Variants in GRID2 observed in about 807,000 individuals in gnomAD.
GRID2 encodes the protein glutamate ionotropic receptor delta type subunit 2, also known as glutamate receptor ionotropic, delta-2.
GRID2 carries 33 observed loss-of-function variants against 114.8 expected under a neutral mutation model. That is an observed-to-expected ratio of 0.29 (90% CI 0.22 to 0.38). The LOEUF (loss-of-function observed/expected upper bound fraction) is 0.38. GRID2 is among the 10% of genes least tolerant of loss of function. The pLI is 1.00. For missense variants in GRID2, 1,184 were observed against 1,257.7 expected (o/e 0.94, Z 0.89); for synonymous variants, 505 against 449.9 (o/e 1.12, Z -1.55).
chr4:93,722,370 G>A (rs569759390), intron 14 of GRID2, among the ~76,000 whole-genome samples: 1 of 152,258 alleles, frequency 6.6e-6, no homozygotes, highest in South Asian at 2.1e-4. Flanking sequence ...CATATCACTA[G>A]TGAGTTACGG....
intron 7 of GRID2, among the ~76,000 whole-genome samples, chr4:93,230,487 TG>T (rs1488460627): frequency 3.3e-5 from 5 of 152,184 alleles, no homozygotes; most frequent in African/African-American, 1.2e-4. Context: ...CTTCTATTTT[TG>T]TTTTATTATA....
intron 13 of GRID2, among the ~76,000 whole-genome samples, chr4:93,527,986 T>A (rs1320577795): frequency 6.6e-6 from 1 of 152,128 alleles, no homozygotes; most frequent in Non-Finnish European, 1.5e-5. Context: ...CGGGCTTTCT[T>A]CACTTAGCAT....
intron 1 of GRID2, among the ~76,000 whole-genome samples, chr4:92,497,353 A>G (rs1468291961): frequency 1.3e-5 from 2 of 151,858 alleles, no homozygotes; most frequent in Admixed American, 6.6e-5. Flanking sequence ...ATCTGTGTGT[A>G]TCCTATTTAG....
At chr4:92,858,724 A>C (rs1560645190) in intron 2 of GRID2, among the ~76,000 whole-genome samples, 2 of 151,790 alleles carry the variant, frequency 1.3e-5, no homozygotes, top group Non-Finnish European at 2.9e-5. Context: ...CACCTGGCTA[A>C]TTTTTTGTAT....
At chr4:92,689,183 G>A (rs553428840) in intron 2 of GRID2, among the ~76,000 whole-genome samples, 2 of 152,158 alleles carry the variant, frequency 1.3e-5, no homozygotes, top group Non-Finnish European at 2.9e-5. Context: ...AATAGATTTA[G>A]CATAATTCTT....
At chr4:93,703,778 G>A (rs1727739224) in intron 14 of GRID2, among the ~76,000 whole-genome samples, 1 of 151,730 alleles carries the variant, frequency 6.6e-6, no homozygotes. Context: ...AGTTTGCTGA[G>A]AATGATGGTT....
chr4:92,894,182 C>T (rs1265789467), intron 2 of GRID2, among the ~76,000 whole-genome samples: 1 of 152,260 alleles, frequency 6.6e-6, no homozygotes, highest in Non-Finnish European at 1.5e-5. Context: ...AAAGTACATT[C>T]ATAAGGTTGA....
At chr4:93,291,419 A>T (rs1753744897) in intron 8 of GRID2, among the ~76,000 whole-genome samples, 3 of 152,190 alleles carry the variant, frequency 2.0e-5, no homozygotes, top group African/African-American at 4.8e-5. Context: ...AAGCAGTAGG[A>T]CTTTCTACTT....
At chr4:92,523,235 A>G (rs1298377483) in intron 1 of GRID2, among the ~76,000 whole-genome samples, 2 of 152,024 alleles carry the variant, frequency 1.3e-5, no homozygotes, top group Non-Finnish European at 2.9e-5. Flanking sequence ...TGTAAATGTC[A>G]TTATCTGAAA....
intron 1 of GRID2, among the ~76,000 whole-genome samples, chr4:92,527,584 T>G (rs2149146050): frequency 6.6e-6 from 1 of 152,170 alleles, no homozygotes; most frequent in African/African-American, 2.4e-5. Context: ...TATTTCCAAA[T>G]ACATTTACAA....
At chr4:92,856,697 T>A (rs1744205604) in intron 2 of GRID2, among the ~76,000 whole-genome samples, 1 of 152,098 alleles carries the variant, frequency 6.6e-6, no homozygotes, top group African/African-American at 2.4e-5. Context: ...ATATCTTACC[T>A]GATGCATTAG....
At chr4:92,559,795 G>T (rs1727028729) in intron 1 of GRID2, among the ~76,000 whole-genome samples, 1 of 152,092 alleles carries the variant, frequency 6.6e-6, no homozygotes, top group African/African-American at 2.4e-5. Context: ...CAAATAAGAG[G>T]ATAAGCTGTT....
chr4:93,514,479 G>A (rs1356083111), intron 12 of GRID2, among the ~76,000 whole-genome samples: 1 of 143,892 alleles, frequency 6.9e-6, no homozygotes, highest in Non-Finnish European at 1.5e-5. Flanking sequence ...AGCAAATATA[G>A]CAAACGAAAT....
chr4:92,886,945 T>G (rs114442440), intron 2 of GRID2, among the ~76,000 whole-genome samples: 3,875 of 152,096 alleles, frequency 0.025, 68 homozygotes, highest in East Asian at 0.056. Flanking sequence ...TATTATTTTT[T>G]GGGGGAAAAA....
intron 2 of GRID2, among the ~76,000 whole-genome samples, chr4:93,051,775 C>T (rs1213495658): frequency 2.0e-5 from 3 of 151,888 alleles, no homozygotes; most frequent in African/African-American, 4.8e-5. Context: ...TGAAATGTTT[C>T]GTTAAAACTG....
At chr4:93,146,168 G>A (rs1020181357) in intron 4 of GRID2, among the ~76,000 whole-genome samples, 9 of 151,824 alleles carry the variant, frequency 5.9e-5, no homozygotes, top group African/African-American at 1.9e-4. Context: ...CCTATGTCAG[G>A]GAAACCACCT....
At chr4:93,264,446 A>G (rs1168010800) in intron 8 of GRID2, among the ~76,000 whole-genome samples, 2 of 151,980 alleles carry the variant, frequency 1.3e-5, no homozygotes, top group African/African-American at 2.4e-5. Context: ...AATCTTAATT[A>G]TTGTTTCAAT....
chr4:93,749,854 C>A (rs987929635), intron 14 of GRID2, among the ~76,000 whole-genome samples: 2 of 152,170 alleles, frequency 1.3e-5, no homozygotes, highest in Non-Finnish European at 2.9e-5. Context: ...TTACTTCACT[C>A]CCTTATGCCT....
intron 14 of GRID2, among the ~76,000 whole-genome samples, chr4:93,745,182 A>AT (rs1489174146): frequency 6.6e-6 from 1 of 152,102 alleles, no homozygotes; most frequent in African/African-American, 2.4e-5. Flanking sequence ...CATCATCACC[A>AT]TTTTTTTCAT....
Sources: gnomAD v4.1 joint callset for allele counts (sites outside exome capture counted in the v4.1 genomes callset) on GRCh38, gnomAD v4.1.1 for gene constraint, MANE v1.5 for transcripts, NCBI Gene and HGNC (gene_info 2026-07-23, HGNC 2026-07-21) for gene names.